Variants in PCDHA2 observed in about 807,000 individuals in gnomAD.
PCDHA2 encodes protocadherin alpha 2.
Under a neutral mutation model 66.0 loss-of-function variants are expected in PCDHA2, and 58 were observed. That is an observed-to-expected ratio of 0.88 (90% CI 0.71 to 1.09). The LOEUF (loss-of-function observed/expected upper bound fraction) is 1.09, where lower values mean the gene tolerates loss of function less well. PCDHA2 is among the 50% of genes least tolerant of loss of function. The probability of loss-of-function intolerance (pLI) is 0.00; values close to 1 mark genes in which losing one functional copy is unlikely to be tolerated. For synonymous variants in PCDHA2, 634 were observed against 554.0 expected (o/e 1.14, Z -2.03); for missense variants, 1,267 against 1,242.3 (o/e 1.02, Z -0.30).
intron 1 of PCDHA2, chr5:140,877,968 C>A: frequency 7.9e-7 from 1 of 1,272,970 alleles, no homozygotes; most frequent in Non-Finnish European, 1.0e-6. Context: ...CTTTCTTGGT[C>A]ATTCTTACTC....
At chr5:140,870,239 G>A (rs781847723) in intron 1 of PCDHA2, 2 of 1,614,134 alleles carry the variant, frequency 1.2e-6, no homozygotes, top group South Asian at 1.1e-5. Flanking sequence ...CGTGACTCAG[G>A]TGTCAACGGA....
At chr5:140,850,270 G>A (rs782505254) in intron 1 of PCDHA2, 1 of 1,594,948 alleles carries the variant, frequency 6.3e-7, no homozygotes, top group African/African-American at 1.3e-5. Flanking sequence ...GTAGTGGTGG[G>A]GAAGGTGCGC....
intron 1 of PCDHA2, among the ~76,000 whole-genome samples, chr5:140,952,559 G>A (rs1185999097): frequency 6.6e-6 from 1 of 152,108 alleles, no homozygotes; most frequent in Non-Finnish European, 1.5e-5. Flanking sequence ...TTCACTATCA[G>A]CACTTCGGTC....
chr5:140,977,464 T>C (rs1245985019), intron 1 of PCDHA2, among the ~76,000 whole-genome samples: 1 of 152,256 alleles, frequency 6.6e-6, no homozygotes, highest in Non-Finnish European at 1.5e-5. Flanking sequence ...TGATTTGGTC[T>C]GTAGATAATT....
intron 1 of PCDHA2, chr5:140,966,814 C>T: frequency 1.9e-6 from 3 of 1,552,444 alleles, no homozygotes; most frequent in East Asian, 2.4e-5. Context: ...ATCCACGGCT[C>T]CGGCGGCCCA....
chr5:140,838,316 G>A (rs1775677807), intron 1 of PCDHA2, among the ~76,000 whole-genome samples: 1 of 146,606 alleles, frequency 6.8e-6, no homozygotes, highest in Non-Finnish European at 1.5e-5. Context: ...TAGAAACAGA[G>A]TTTCACCATG....
intron 1 of PCDHA2, chr5:140,876,527 T>C (rs2056400042): frequency 6.2e-6 from 10 of 1,614,112 alleles, no homozygotes; most frequent in Non-Finnish European, 7.6e-6. Context: ...GAAGTAATGG[T>C]TACTTCACTG....
chr5:140,869,652 A>C (rs2051311295), intron 1 of PCDHA2: 4 of 1,613,458 alleles, frequency 2.5e-6, no homozygotes, highest in South Asian at 2.2e-5. Context: ...TAGATTCACC[A>C]ACAAATGGTA....
At position 140,796,336 on chromosome 5, in the gene PCDHA2, C is replaced by G. The variant is rs782132897; in HGVS notation, c.1372C>G (p.Pro458Ala). The change falls in exon 1 of 4, where the codon CCT becomes GCT. Residue 458 changes from proline to alanine, a missense_variant. Transcript: ENST00000526136. ...VNDNAPAFAQ[P>A]EYTVFVKENN... ...CGACAACGCGCCGGCGTTCGCACAG[C>G]CTGAGTACACAGTATTCGTGAAGGA... The G allele has an allele frequency of 2.5e-6, 4 of 1,614,070 alleles. No individual in the cohort carries two copies. The highest frequency in any genetic ancestry group is 3.4e-6 in the Non-Finnish European group (4 of 1,179,990).
At position 140,849,254 on chromosome 5, in the gene PCDHA2, A is replaced by C. The variant is rs2150433667; in HGVS notation, c.2388+51902A>C. The stretch of plus-strand genomic sequence containing the variant: ...CCCTGTATACGGTGAAATTACCAGA[A>C]AACGTTTCTATCGGAACGCTGGTGA... On this transcript the variant is annotated intron_variant, in intron 1 of 3. Coordinates refer to ENST00000526136, the MANE Select transcript of PCDHA2 (RefSeq NM_018905.3). The C allele has an allele frequency of 1.6e-4, 171 of 1,103,146 alleles. 11 individuals are homozygous for C. In the South Asian group the frequency reaches 1.7e-3, roughly 11 times the overall value. 68.3% of individuals were successfully genotyped at this position (1,103,146 alleles called of 1,614,324 possible). A position where few individuals can be genotyped will look rare whatever the true frequency, so the allele number is the denominator to read the frequency against.
rs1174845394 is a variant in PCDHA2, at chr5:140,833,140, TGAAGCAATAC to T, written c.2388+35792_2388+35801del. On this transcript the variant is annotated intron_variant, in intron 1 of 3. Coordinates refer to ENST00000526136, the MANE Select transcript of PCDHA2 (RefSeq NM_018905.3). ...GTCATTTGAAAGCTGTCAAAAAGTG[TGAAGCAATAC>T]GAATAAAAAGTATTAACGGAAGATG... Among the ~76,000 whole-genome samples, 7 of 152,296 alleles carry T rather than the reference TGAAGCAATAC, an allele frequency of 4.6e-5. No individual in the cohort carries two copies. In the East Asian group the frequency reaches 1.3e-3, roughly 29 times the overall value.
chr5:140,858,350 A>C (rs1160044351), intron 1 of PCDHA2: 1 of 1,594,392 alleles, frequency 6.3e-7, no homozygotes, highest in East Asian at 2.2e-5. Context: ...GGCGGACCTC[A>C]TGGCCTTCAG....
intron 1 of PCDHA2, chr5:140,966,708 C>T (rs1033433543): frequency 1.7e-5 from 23 of 1,384,632 alleles, no homozygotes; most frequent in African/African-American, 6.1e-5. Context: ...GCGTGGGGCA[C>T]GGCTGGGGAA....
chr5:140,802,787 G>A (rs1554122364), intron 1 of PCDHA2: 1 of 1,613,358 alleles, frequency 6.2e-7, no homozygotes, highest in Non-Finnish European at 8.5e-7. Flanking sequence ...AGCTAGAGCT[G>A]CTGCAGTTCC....
At chr5:141,007,891 T>G (rs2098350311) in intron 3 of PCDHA2, among the ~76,000 whole-genome samples, 1 of 152,232 alleles carries the variant, frequency 6.6e-6, no homozygotes, top group Admixed American at 6.5e-5. Flanking sequence ...CTTTAAAAAT[T>G]TATTGTTCTT....
intron 1 of PCDHA2, chr5:140,849,834 G>A: frequency 6.3e-7 from 1 of 1,598,606 alleles, no homozygotes; most frequent in Admixed American, 1.7e-5. Context: ...GGAGGTGGCC[G>A]ACGTGAACGA....
chr5:140,797,197 G>A lies in PCDHA2; in HGVS notation c.2233G>A (p.Val745Met), dbSNP rs1554120333. The A allele has an allele frequency of 1.2e-6, 2 of 1,614,192 alleles. No homozygotes were observed. Among genetic ancestry groups the A allele is most frequent in the Non-Finnish European group, 1.7e-6 (2 of 1,180,042 alleles). ...GKPTLVCSSA[V>M]GSWSYSQQRR... ...GCCCACGCTGGTGTGCTCCAGCGCC[G>A]TGGGGAGCTGGTCTTACTCGCAGCA... The change falls in exon 1 of 4, where the codon GTG becomes ATG. Residue 745 changes from valine to methionine, a missense_variant. Val to Met is a conservative substitution (Grantham distance 21). Coordinates refer to ENST00000526136, the MANE Select transcript of PCDHA2 (RefSeq NM_018905.3).
intron 1 of PCDHA2, chr5:140,875,958 C>T (rs1312300687): frequency 1.2e-6 from 2 of 1,613,962 alleles, no homozygotes; most frequent in Admixed American, 3.3e-5. Context: ...ATGCGGATAT[C>T]GGCGTAAACT....
rs1210767626 is a variant in PCDHA2 at position 141,010,197 on chromosome 5, C to T, written c.*260C>T. 1 of 1,552,200 alleles carries T rather than the reference C, an allele frequency of 6.4e-7. No homozygotes were observed. The highest frequency in any genetic ancestry group is 1.2e-5 in the South Asian group (1 of 84,134). On this transcript the variant is annotated 3_prime_UTR_variant, in exon 4 of 4. Coordinates refer to ENST00000526136, the MANE Select transcript of PCDHA2 (RefSeq NM_018905.3). ...AAAAGCAGACCCAAGTTTCCTTTCT[C>T]CTCCGCCGCAAAGGAGAGGCTTCCC...
Sources: gnomAD v4.1 joint callset for allele counts (sites outside exome capture counted in the v4.1 genomes callset) on GRCh38, gnomAD v4.1.1 for gene constraint, MANE v1.5 for transcripts, NCBI Gene and HGNC (gene_info 2026-07-23, HGNC 2026-07-21) for gene names.